PLXNA1: variants seen among roughly 807,000 people sequenced by gnomAD.
The protein encoded by PLXNA1 is plexin A1, also known as plexin-A1.
PLXNA1 carries 77 observed loss-of-function variants against 191.7 expected under a neutral mutation model. The observed-to-expected ratio is 0.40, with a 90% CI of 0.33 to 0.49. PLXNA1 has a LOEUF of 0.49. Ranked by LOEUF, PLXNA1 falls within the 20% of genes least tolerant of loss-of-function variation. The pLI, the probability that PLXNA1 is intolerant of heterozygous loss-of-function variation, is 0.63. For synonymous variants in PLXNA1, 1,137 were observed against 1,156.4 expected (o/e 0.98, Z 0.34); for missense variants, 2,110 against 2,660.2 (o/e 0.79, Z 4.55).
chr3:127,017,343 C>A, intron 17 of PLXNA1, 82 bp from the exon 18 acceptor site: 3 of 1,523,868 alleles, frequency 2.0e-6, no homozygotes, highest in South Asian at 2.5e-5. Flanking sequence ...AGCAGGCAGC[C>A]CCCAGGCCAG....
At chr3:127,026,558 C>T (rs1333356190) in intron 23 of PLXNA1, 1 of 152,244 alleles carries the variant, frequency 6.6e-6, no homozygotes, top group Non-Finnish European at 1.5e-5. Context: ...GGATCTGCAC[C>T]CCTTTTCCTC....
At chr3:126,987,298 T>C (rs2107619489) in intron 1 of PLXNA1, among the ~76,000 whole-genome samples, 1 of 152,290 alleles carries the variant, frequency 6.6e-6, no homozygotes, top group Non-Finnish European at 1.5e-5. Flanking sequence ...GTGAGACTTT[T>C]CCAGAGGCAG....
In PLXNA1 at chr3:126,993,500, A is replaced by T. The variant is rs186442342; in HGVS notation, c.1377+1934A>T. Among the ~76,000 whole-genome samples, 20 of 152,230 alleles carry T rather than the reference A, an allele frequency of 1.3e-4. No individual in the cohort carries two copies. The East Asian group carries it at 3.9e-3, about 30-fold the overall frequency. On this transcript the variant is annotated intron_variant, in intron 3 of 31. Coordinates refer to ENST00000393409, the MANE Select transcript of PLXNA1 (RefSeq NM_032242.4). ...TGCGTCCTCATGGCCTGACATGGCT[A>T]GTTCCTTCCTGGTGACCCTGGCCGG...
intron 1 of PLXNA1, among the ~76,000 whole-genome samples, chr3:126,984,056 T>C (rs1400256679): frequency 6.6e-6 from 1 of 152,126 alleles, no homozygotes; most frequent in Non-Finnish European, 1.5e-5. Flanking sequence ...TCCCGGAGGC[T>C]TCCGATTGCT....
intron 31 of PLXNA1, 60 bp downstream of exon 31, chr3:127,032,896 C>T: frequency 1.3e-6 from 2 of 1,549,376 alleles, no homozygotes; most frequent in African/African-American, 1.4e-5. Flanking sequence ...CTGCCAGAGT[C>T]ACCTGCTCTG....
rs370070914 is a variant in PLXNA1 at position 127,005,039 on chromosome 3, G to T, written c.1743+31G>T. ...TGTGGCACCCCAGGTGGTAAGGGGT[G>T]GGGGACAGCCATGGGGACCCTGCTC... On this transcript the variant is annotated intron_variant, in intron 6 of 31. Coordinates refer to ENST00000393409, the MANE Select transcript of PLXNA1 (RefSeq NM_032242.4). 2,676 of 1,609,572 alleles carry T rather than the reference G, an allele frequency of 1.7e-3. 66 individuals carry two copies. The South Asian group carries it at 0.027, about 16-fold the overall frequency.
At chr3:127,033,351 G>T (rs2079222140) in intron 31 of PLXNA1, among the ~76,000 whole-genome samples, 2 of 152,224 alleles carry the variant, frequency 1.3e-5, no homozygotes, top group African/African-American at 4.8e-5. Context: ...GACAGTCTCG[G>T]CCTGTGCCAA....
intron 10 of PLXNA1, among the ~76,000 whole-genome samples, chr3:127,012,633 C>T (rs980802572): frequency 6.6e-6 from 1 of 152,250 alleles, no homozygotes; most frequent in Non-Finnish European, 1.5e-5. Flanking sequence ...GAAAACACTC[C>T]CATTGGCCCG....
chr3:127,029,128 C>A, intron 26 of PLXNA1, 32 bp downstream of exon 26: 1 of 1,536,056 alleles, frequency 6.5e-7, no homozygotes, highest in Non-Finnish European at 9.0e-7. Flanking sequence ...CTAGCACAGG[C>A]CTCCCTCCCC....
intron 3 of PLXNA1, among the ~76,000 whole-genome samples, chr3:127,001,047 G>A (rs2079037751): frequency 6.6e-6 from 1 of 152,156 alleles, no homozygotes; most frequent in East Asian, 1.9e-4. Context: ...GGCTGCAGCT[G>A]TCAGAGCCAA....
At position 127,006,135 on chromosome 3, in the gene PLXNA1, G is replaced by A. The variant is rs772958660; in HGVS notation, c.1954G>A (p.Ala652Thr). 2.5e-6 allele frequency: 4 copies of A among 1,613,754 alleles called. No individual in the cohort carries two copies. In the African/African-American group the frequency reaches 5.3e-5, roughly 22 times the overall value. Residue 652 changes from alanine to threonine, a missense_variant, in exon 8 of 32, where the codon GCG becomes ACG. Ala to Thr is a moderately conservative substitution (Grantham distance 58). Around this residue, in one of 4 missense-constraint regions of PLXNA1, gnomAD observed 903 missense variants for 1,015.7 expected, o/e 0.89. Coordinates refer to ENST00000393409, the MANE Select transcript of PLXNA1 (RefSeq NM_032242.4). ...LKSKETGKKF[A>T]SVDFVFYNCS... ...GTCCAAGGAGACAGGGAAGAAGTTT[G>A]CGTCTGTGGACTTCGTCTTCTACAA...
intron 1 of PLXNA1, among the ~76,000 whole-genome samples, chr3:126,985,321 T>C (rs928989734): frequency 6.6e-6 from 1 of 151,992 alleles, no homozygotes; most frequent in Admixed American, 6.6e-5. Context: ...TCTCCGCCTC[T>C]CTCTCCCTGG....
chr3:127,033,970 C>T lies in PLXNA1; in HGVS notation c.5644C>T (p.Arg1882Trp), dbSNP rs779294348. The T allele has an allele frequency of 2.2e-5, 35 of 1,605,844 alleles. No homozygotes were observed. The East Asian group carries it at 2.7e-4, about 12-fold the overall frequency. Residue 1882 changes from arginine (R) to tryptophan (W), a missense_variant, in exon 32 of 32, where the codon CGG becomes TGG. Physicochemically the swap from Arg to Trp is moderately radical, Grantham distance 101. Around this residue, in one of 4 missense-constraint regions of PLXNA1, gnomAD observed 559 missense variants for 911.5 expected, o/e 0.61. Transcript: ENST00000393409. ...TGAGCAGGCGCGGCGGCAGCGGCTG[C>T]GGAGCAAGCTGGAGCAGGTGGTGGA... ...KDEQARRQRL[R>W]SKLEQVVDTM...
intron 3 of PLXNA1, among the ~76,000 whole-genome samples, chr3:126,992,640 G>A (rs1193460343): frequency 6.6e-6 from 1 of 152,062 alleles, no homozygotes; most frequent in Non-Finnish European, 1.5e-5. Context: ...GGGGCGGGGG[G>A]TGCTGGTGGT....
intron 29 of PLXNA1, 113 bp downstream of exon 29, chr3:127,030,525 GAC>G (rs1267669543): frequency 4.5e-6 from 6 of 1,321,508 alleles, no homozygotes; most frequent in African/African-American, 1.5e-5. Flanking sequence ...CTGGCGTGGG[GAC>G]ACAACCCAGC....
At chr3:126,990,149 A>G (rs79262675) in intron 2 of PLXNA1, among the ~76,000 whole-genome samples, 4,033 of 152,240 alleles carry the variant, frequency 0.026, 84 homozygotes, top group Middle Eastern at 0.041. Context: ...CCATCCTACA[A>G]ATGAGGTTAT....
chr3:126,989,402 C>T lies in PLXNA1; in HGVS notation c.809C>T (p.Pro270Leu), dbSNP rs1394609958. The T allele has an allele frequency of 9.3e-6, 15 of 1,613,570 alleles. No homozygotes were observed. The highest frequency in any genetic ancestry group is 1.2e-5 in the Non-Finnish European group (14 of 1,180,044). The change falls in exon 2 of 32, where the codon CCT (proline) becomes CTT (leucine). Residue 270 changes from proline (P) to leucine (L), a missense_variant. This residue lies in a region of PLXNA1 where 903 missense variants were observed against 1,015.7 expected (regional missense o/e 0.89). Transcript: ENST00000393409. Reference sequence around the variant, plus strand: ...CAGCTAGACACACAGCTGACCTCGCCTGATGCCGCCGGCGAGCACTTCTTC... The same window carrying T: ...CAGCTAGACACACAGCTGACCTCGCTTGATGCCGCCGGCGAGCACTTCTTC... The part of the protein sequence containing the change: ...TLQLDTQLTS[P>L]DAAGEHFFTS...
chr3:126,983,356 G>A (rs1485175355), intron 1 of PLXNA1, among the ~76,000 whole-genome samples, 69 bp downstream of exon 1: 10 of 145,568 alleles, frequency 6.9e-5, no homozygotes, highest in African/African-American at 2.2e-4. Flanking sequence ...CTGGGGTCCG[G>A]GGCCGGGCGG....
chr3:127,028,877 C>A, intron 25 of PLXNA1, 116 bp from the exon 26 acceptor site: 1 of 720,874 alleles, frequency 1.4e-6, no homozygotes, highest in South Asian at 1.7e-5. Flanking sequence ...GGAGGTATGT[C>A]CCTGCCCTGT....
Sources: allele counts gnomAD v4.1 joint callset (sites outside exome capture counted in the v4.1 genomes callset), GRCh38; gene constraint gnomAD v4.1.1; regional missense constraint gnomAD v4.1.1; transcripts MANE v1.5; gene names NCBI Gene and HGNC (gene_info 2026-07-23, HGNC 2026-07-21).